CUX2: variants seen among roughly 807,000 people sequenced by gnomAD.
CUX2 encodes cut like homeobox 2.
Under a neutral mutation model 144.8 loss-of-function variants are expected in CUX2, and 40 were observed. That is an observed-to-expected ratio of 0.28 (90% CI 0.21 to 0.36). The LOEUF is 0.36. Among genes scored for constraint, CUX2 ranks in the 10% least tolerant of loss-of-function variants. The pLI, the probability that CUX2 is intolerant of heterozygous loss-of-function variation, is 1.00. For synonymous variants in CUX2, 827 were observed against 875.6 expected, an observed-to-expected ratio of 0.94 and a Z score of 0.98; for missense variants, 1,615 against 1,994.0, an observed-to-expected ratio of 0.81 and a Z score of 3.62.
chr12:111,261,428 C>T (rs1884124583), intron 3 of CUX2, among the ~76,000 whole-genome samples: 1 of 150,908 alleles, frequency 6.6e-6, no homozygotes, highest in Non-Finnish European at 1.5e-5. Context: ...TCAGGGCTCA[C>T]AGGAGCCACC....
chr12:111,172,889 G>T (rs1373483106), intron 1 of CUX2, among the ~76,000 whole-genome samples: 3 of 152,238 alleles, frequency 2.0e-5, no homozygotes, highest in Admixed American at 6.5e-5. Flanking sequence ...GAAAAGAAAT[G>T]ATTTCCCTTC....
chr12:111,162,623 A>G (rs989635323), intron 1 of CUX2, among the ~76,000 whole-genome samples: 1 of 152,202 alleles, frequency 6.6e-6, no homozygotes, highest in Admixed American at 6.5e-5. Context: ...GTAATTGACT[A>G]CTTGTTTTAG....
chr12:111,144,564 A>T (rs1319581341), intron 1 of CUX2, among the ~76,000 whole-genome samples: 1 of 152,218 alleles, frequency 6.6e-6, no homozygotes, highest in Non-Finnish European at 1.5e-5. Context: ...CTGCAGAAGC[A>T]CATATCACAG....
Position 111,298,248 on chromosome 12 carries a change from G to C in CUX2, c.705-293G>C, listed in dbSNP as rs962143291. ...GATCAGGGTTTTAAAGCCGGGGGCT[G>C]TTCTCTTGAGGATGGGCATTCCAGG... On this transcript the variant is annotated intron_variant, in intron 8 of 21. Coordinates refer to ENST00000261726, the MANE Select transcript of CUX2 (RefSeq NM_015267.4). Among the ~76,000 whole-genome samples, 4 of 152,216 alleles carry C rather than the reference G, an allele frequency of 2.6e-5. No homozygotes were observed. The East Asian group carries it at 5.8e-4, about 22-fold the overall frequency.
intron 1 of CUX2, among the ~76,000 whole-genome samples, chr12:111,093,514 G>A (rs371348072): frequency 3.3e-5 from 5 of 151,896 alleles, no homozygotes; most frequent in Admixed American, 2.0e-4. Flanking sequence ...AACCCACTTT[G>A]AGAAAGTAAA....
At chr12:111,285,233 G>A (rs1177218517) in intron 4 of CUX2, among the ~76,000 whole-genome samples, 2 of 152,146 alleles carry the variant, frequency 1.3e-5, no homozygotes, top group Non-Finnish European at 2.9e-5. Flanking sequence ...AAACTATCAG[G>A]CACGAAAGGA....
At chr12:111,279,398 A>G (rs1032868915) in intron 4 of CUX2, among the ~76,000 whole-genome samples, 1 of 152,178 alleles carries the variant, frequency 6.6e-6, no homozygotes, top group Non-Finnish European at 1.5e-5. Context: ...CTCCAGAAAG[A>G]TATGTTGAAG....
At position 111,278,234 on chromosome 12, in the gene CUX2, T is replaced by C. The variant is rs938818429; in HGVS notation, c.302-13184T>C. Among the ~76,000 whole-genome samples the C allele has an allele frequency of 1.9e-4, 29 of 152,232 alleles. 1 individual carries two copies. The highest frequency in any genetic ancestry group is 6.5e-4 in the African/African-American group (27 of 41,534). ...GAGTTTGAGACCAGCCTGGGCAACATAGTAAGACCCCATCTCTACAAAAAT... is the reference window on the plus strand; with the variant it reads ...GAGTTTGAGACCAGCCTGGGCAACACAGTAAGACCCCATCTCTACAAAAAT... On this transcript the variant is annotated intron_variant, in intron 4 of 21. Transcript: ENST00000261726.
At chr12:111,185,721 C>T (rs1354103427) in intron 1 of CUX2, among the ~76,000 whole-genome samples, 2 of 152,174 alleles carry the variant, frequency 1.3e-5, no homozygotes, top group Non-Finnish European at 2.9e-5. Context: ...AGTAATGGAG[C>T]CCTCCCAAGA....
intron 1 of CUX2, among the ~76,000 whole-genome samples, chr12:111,205,251 C>T (rs564301639): frequency 5.3e-5 from 8 of 152,042 alleles, no homozygotes; most frequent in Admixed American, 1.3e-4. Context: ...CCTCTGAAGG[C>T]GACACTCCCA....
At chr12:111,271,936 G>A (rs1309813761) in intron 4 of CUX2, among the ~76,000 whole-genome samples, 1 of 152,172 alleles carries the variant, frequency 6.6e-6, no homozygotes, top group Non-Finnish European at 1.5e-5. Flanking sequence ...TCAACTTAGT[G>A]TGTAATGTCT....
chr12:111,290,176 G>T (rs1391406662), intron 4 of CUX2, among the ~76,000 whole-genome samples: 1 of 152,188 alleles, frequency 6.6e-6, no homozygotes, highest in Admixed American at 6.5e-5. Context: ...TGAAGCCAGG[G>T]CAACATGGTG....
intron 6 of CUX2, among the ~76,000 whole-genome samples, chr12:111,294,591 AAAAAAAAAAAAAG>A (rs1885870499): frequency 6.6e-6 from 1 of 151,104 alleles, no homozygotes; most frequent in South Asian, 2.1e-4. Flanking sequence ...TTTTCAAAAA[AAAAAAAAAAAAAG>A]AAAGAAAACA....
At chr12:111,042,863 T>TAAGCTCAAGTGATTCTCCCAACTCAAC in intron 1 of CUX2, among the ~76,000 whole-genome samples, 1 of 151,204 alleles carries the variant, frequency 6.6e-6, no homozygotes, top group Non-Finnish European at 1.5e-5. Flanking sequence ...CTCGAACTCC[T>TAAGCTCAAGTGATTCTCCCAACTCAAC]AAGCTCAAGT....
intron 1 of CUX2, among the ~76,000 whole-genome samples, chr12:111,184,589 A>C (rs1391798608): frequency 2.0e-5 from 3 of 151,382 alleles, no homozygotes; most frequent in Admixed American, 6.6e-5. Context: ...AAAAAAAAAA[A>C]AAAAAAAAAA....
At chr12:111,288,066 T>C (rs1235670856) in intron 4 of CUX2, among the ~76,000 whole-genome samples, 2 of 151,920 alleles carry the variant, frequency 1.3e-5, no homozygotes, top group Non-Finnish European at 2.9e-5. Flanking sequence ...GAAGGAAAGG[T>C]GTAGGCAGTT....
rs182029426 is a variant in CUX2, at chr12:111,220,240, G to A, written c.222+2303G>A. ...GCTTAAAATACTGCCTTGCATATGA[G>A]AAGTCTTGGATATTTTATTCCTATG... On this transcript the variant is annotated intron_variant, in intron 3 of 21. Coordinates refer to ENST00000261726, the MANE Select transcript of CUX2 (RefSeq NM_015267.4). Among the ~76,000 whole-genome samples, 169 of 152,232 alleles carry A rather than the reference G, an allele frequency of 1.1e-3. 1 individual carries two copies. The highest frequency in any genetic ancestry group is 2.1e-3 in the Non-Finnish European group (143 of 68,002).
At chr12:111,286,970 G>T (rs1885419014) in intron 4 of CUX2, among the ~76,000 whole-genome samples, 1 of 152,142 alleles carries the variant, frequency 6.6e-6, no homozygotes, top group African/African-American at 2.4e-5. Flanking sequence ...ACCCTGAGCT[G>T]GACTTTGGAT....
chr12:111,104,523 C>T (rs1873469154), intron 1 of CUX2, among the ~76,000 whole-genome samples: 1 of 152,216 alleles, frequency 6.6e-6, no homozygotes, highest in African/African-American at 2.4e-5. Context: ...GCCAGGTTTC[C>T]CTGGTTCAAA....
Sources: allele counts gnomAD v4.1 joint callset (sites outside exome capture counted in the v4.1 genomes callset), GRCh38; gene constraint gnomAD v4.1.1; transcripts MANE v1.5; gene names NCBI Gene and HGNC (gene_info 2026-07-23, HGNC 2026-07-21).